The following LHFPL6 variants were observed in gnomAD, a reference collection of about 807,000 sequenced individuals.
The protein encoded by LHFPL6 is LHFPL tetraspan subfamily member 6.
In LHFPL6, 9 loss-of-function variants were observed where a neutral mutation model predicts 20.6. That is an observed-to-expected ratio of 0.44 (90% CI 0.26 to 0.76). The LOEUF is 0.76. LHFPL6 is among the 30% of genes least tolerant of loss of function. The pLI is 0.20. For missense variants in LHFPL6, 218 were observed against 253.5 expected, an observed-to-expected ratio of 0.86 and a Z score of 0.95; for synonymous variants, 105 against 98.7, an observed-to-expected ratio of 1.06 and a Z score of -0.38.
intron 2 of LHFPL6, among the ~76,000 whole-genome samples, chr13:39,492,416 C>A (rs1868956378): frequency 6.6e-6 from 1 of 152,118 alleles, no homozygotes; most frequent in African/African-American, 2.4e-5. Context: ...CATCAACATA[C>A]ATTTATAGTT....
chr13:39,481,758 T>C (rs1868535441), intron 2 of LHFPL6, among the ~76,000 whole-genome samples: 3 of 152,124 alleles, frequency 2.0e-5, no homozygotes, highest in Non-Finnish European at 4.4e-5. Flanking sequence ...GCCAGGGTAA[T>C]GAGTTGACAT....
chr13:39,421,327 T>C (rs535837471), intron 2 of LHFPL6, among the ~76,000 whole-genome samples: 28 of 152,194 alleles, frequency 1.8e-4, no homozygotes, highest in Admixed American at 8.5e-4. Flanking sequence ...AATTTAAAAA[T>C]TTCTCAGAGA....
intron 3 of LHFPL6, among the ~76,000 whole-genome samples, chr13:39,373,327 G>C (rs1403889143): frequency 6.6e-6 from 1 of 152,204 alleles, no homozygotes; most frequent in Non-Finnish European, 1.5e-5. Flanking sequence ...CCCATGGTCA[G>C]AGGGGGCTGT....
At chr13:39,411,547 C>T (rs1228724906) in intron 2 of LHFPL6, among the ~76,000 whole-genome samples, 2 of 152,258 alleles carry the variant, frequency 1.3e-5, no homozygotes, top group African/African-American at 4.8e-5. Context: ...CAAGTCCTGC[C>T]CTTATAATAG....
intron 2 of LHFPL6, among the ~76,000 whole-genome samples, chr13:39,505,142 G>A (rs1869431726): frequency 6.6e-6 from 1 of 152,172 alleles, no homozygotes; most frequent in Non-Finnish European, 1.5e-5. Flanking sequence ...ACGCAAAAGA[G>A]AAAGGAAGGG....
chr13:39,383,195 C>T (rs937972436), intron 2 of LHFPL6, among the ~76,000 whole-genome samples: 4 of 152,152 alleles, frequency 2.6e-5, no homozygotes, highest in African/African-American at 9.7e-5. Flanking sequence ...CAACACAACT[C>T]CATCATATAG....
Position 39,410,228 on chromosome 13 carries a change from C to A in LHFPL6, c.386-31702G>T, listed in dbSNP as rs1054188242. Among the ~76,000 whole-genome samples, 11 of 152,282 alleles carry A rather than the reference C, an allele frequency of 7.2e-5. No homozygotes were observed. The East Asian group carries it at 2.1e-3, about 29-fold the overall frequency. On this transcript the variant is annotated intron_variant, in intron 2 of 3. Transcript: ENST00000379589. The stretch of plus-strand genomic sequence containing the variant: ...ACACAAAAACTCTTTCACAACAGTT[C>A]AAAAATCTTGAGGCCAAATTTATGC...
chr13:39,451,161 A>T (rs1253372512), intron 2 of LHFPL6, among the ~76,000 whole-genome samples: 1 of 127,980 alleles, frequency 7.8e-6, no homozygotes, highest in African/African-American at 3.2e-5. Context: ...CAGTCATGAG[A>T]TCCATTTTGT....
intron 3 of LHFPL6, among the ~76,000 whole-genome samples, chr13:39,368,366 G>A (rs1200470925): frequency 6.6e-6 from 1 of 151,470 alleles, no homozygotes; most frequent in Admixed American, 6.6e-5. Context: ...GGCAGATAAC[G>A]AGGTCAAGAG....
intron 3 of LHFPL6, among the ~76,000 whole-genome samples, chr13:39,368,286 GA>G (rs57555048): frequency 7.4e-5 from 11 of 148,712 alleles, no homozygotes; most frequent in East Asian, 2.0e-4. Flanking sequence ...GGCGGTGGAG[GA>G]AAAAAAAAAA....
At chr13:39,529,891 T>C (rs1448060233) in intron 2 of LHFPL6, among the ~76,000 whole-genome samples, 1 of 152,196 alleles carries the variant, frequency 6.6e-6, no homozygotes. Flanking sequence ...AAAGTGATAA[T>C]GTAAAAGAAG....
chr13:39,369,567 T>TTTCCTTCCTTCCTTCCTTCCTTCCTTCC (rs776843003), intron 3 of LHFPL6, among the ~76,000 whole-genome samples: 4,530 of 27,844 alleles, frequency 0.16, 388 homozygotes, highest in South Asian at 0.31. Context: ...TCATAGTAGG[T>TTTCCTTCCTTCCTTCCTTCCTTCCTTCC]TTCCTTCCTT....
intron 2 of LHFPL6, among the ~76,000 whole-genome samples, chr13:39,560,661 C>A (rs1015122475): frequency 6.6e-6 from 1 of 151,960 alleles, no homozygotes; most frequent in African/African-American, 2.4e-5. Flanking sequence ...ACTACAGGTG[C>A]CCGCCCCCAC....
At chr13:39,377,255 T>A (rs2138358536) in intron 3 of LHFPL6, among the ~76,000 whole-genome samples, 2 of 152,374 alleles carry the variant, frequency 1.3e-5, no homozygotes, top group Middle Eastern at 6.8e-3. Context: ...CAAGTCTTCA[T>A]TTCTTTACGA....
intron 3 of LHFPL6, among the ~76,000 whole-genome samples, chr13:39,359,233 G>C (rs1181696793): frequency 6.6e-6 from 1 of 152,152 alleles, no homozygotes; most frequent in Non-Finnish European, 1.5e-5. Context: ...CTGCTGGCGG[G>C]AATGTAAATT....
intron 2 of LHFPL6, among the ~76,000 whole-genome samples, chr13:39,595,738 A>G (rs757128460): frequency 2.8e-4 from 42 of 152,174 alleles, no homozygotes; most frequent in Admixed American, 5.9e-4. Context: ...AAAAAGTATG[A>G]CCACTGAGCA....
intron 3 of LHFPL6, among the ~76,000 whole-genome samples, chr13:39,348,814 A>G (rs1353272584): frequency 6.6e-6 from 1 of 151,648 alleles, no homozygotes; most frequent in Admixed American, 6.6e-5. Flanking sequence ...TCCCCACACT[A>G]CCCTCTTCCT....
intron 2 of LHFPL6, among the ~76,000 whole-genome samples, chr13:39,386,402 T>C (rs576041543): frequency 3.8e-4 from 58 of 152,174 alleles, no homozygotes; most frequent in Non-Finnish European, 7.4e-4. Flanking sequence ...TTGGTTGCAT[T>C]CTAGTAAACC....
intron 2 of LHFPL6, among the ~76,000 whole-genome samples, chr13:39,594,500 C>G (rs1178881906): frequency 6.6e-6 from 1 of 152,180 alleles, no homozygotes; most frequent in Non-Finnish European, 1.5e-5. Flanking sequence ...GAAATAGGAA[C>G]AGTTTTACAC....
Sources: allele counts gnomAD v4.1 joint callset (sites outside exome capture counted in the v4.1 genomes callset), GRCh38; gene constraint gnomAD v4.1.1; transcripts MANE v1.5; gene names NCBI Gene and HGNC (gene_info 2026-07-23, HGNC 2026-07-21).